The following PTPRB variants were observed in gnomAD, a reference collection of about 807,000 sequenced individuals.
PTPRB encodes the protein receptor-type tyrosine-protein phosphatase beta.
A neutral mutation model predicts 238.1 loss-of-function variants in PTPRB; 97 were observed. The observed-to-expected ratio is 0.41, with a 90% CI of 0.35 to 0.48. The LOEUF (loss-of-function observed/expected upper bound fraction) is 0.48. Ranked by LOEUF, PTPRB falls within the 20% of genes least tolerant of loss-of-function variation. The pLI is 0.30. For synonymous variants in PTPRB, 970 were observed against 995.4 expected (o/e 0.97, Z 0.48); for missense variants, 2,292 against 2,681.9 (o/e 0.85, Z 3.21).
At chr12:70,526,203 AATTT>A (rs1260922070) in intron 32 of PTPRB, among the ~76,000 whole-genome samples, 5 of 152,128 alleles carry the variant, frequency 3.3e-5, no homozygotes, top group South Asian at 2.1e-4. Flanking sequence ...TAATTTAATT[AATTT>A]ATTTATTTTT....
intron 9 of PTPRB, among the ~76,000 whole-genome samples, chr12:70,581,610 C>G (rs931834570): frequency 2.0e-5 from 3 of 151,908 alleles, no homozygotes; most frequent in African/African-American, 4.8e-5. Flanking sequence ...TTTTTGAAAA[C>G]TGCTTAGTTA....
Position 70,555,175 on chromosome 12 carries a change from C to T in PTPRB, c.5128G>A (p.Val1710Met). ...GATAACTTACCATCAGCCTCTCTCA[C>T]CACCACTGTGAAGTATTTCACAGCT... ...NGAVKYFTVV[V>M]READGSDELK... is the part of the protein sequence containing the mutation. Residue 1710 changes from valine to methionine, a missense_variant, in exon 20 of 34, where the codon GTG becomes ATG. Transcript: ENST00000334414. 6.2e-7 allele frequency: 1 copy of T among 1,613,698 alleles called. No homozygotes were observed. Among genetic ancestry groups the T allele is most frequent in the East Asian group, 2.2e-5 (1 of 44,866 alleles).
intron 2 of PTPRB, among the ~76,000 whole-genome samples, chr12:70,625,554 T>A (rs998914891): frequency 3.0e-4 from 46 of 151,710 alleles, no homozygotes; most frequent in Admixed American, 7.9e-4. Flanking sequence ...TGATTAAGTT[T>A]TTTTTTTTTT....
chr12:70,624,510 T>C (rs953049841), intron 2 of PTPRB, among the ~76,000 whole-genome samples: 5 of 152,186 alleles, frequency 3.3e-5, no homozygotes, highest in Admixed American at 2.0e-4. Context: ...AATTATACTA[T>C]TAGCGAGATT....
chr12:70,570,960 T>C, intron 13 of PTPRB, 66 bp downstream of exon 13: 1 of 1,553,418 alleles, frequency 6.4e-7, no homozygotes, highest in Non-Finnish European at 8.8e-7. Context: ...TCGAAATACC[T>C]GAACTACCCG....
chr12:70,566,477 C>T lies in PTPRB; in HGVS notation c.3862G>A (p.Gly1288Arg), dbSNP rs1879315013. Residue 1288 changes from glycine to arginine, a missense_variant, in exon 15 of 34, where the codon GGA becomes AGA. Coordinates refer to ENST00000334414, the MANE Select transcript of PTPRB (RefSeq NM_001109754.4). ...KYKIQILTVS[G>R]GLFSKEAQTE... is the part of the protein sequence containing the mutation. ...TGGGCTTCCTTGCTAAAGAGGCCTC[C>T]ACTGACAGTTAGGATCTGTATCTTG... 8 of 1,613,982 alleles carry T rather than the reference C, an allele frequency of 5.0e-6. No homozygotes were observed. Among genetic ancestry groups the T allele is most frequent in the South Asian group, 1.1e-5 (1 of 91,076 alleles).
intron 20 of PTPRB, 72 bp from the exon 21 acceptor site, chr12:70,553,092 G>T (rs551070225): frequency 2.0e-6 from 3 of 1,509,656 alleles, no homozygotes; most frequent in African/African-American, 2.8e-5. Context: ...TTTAAATTAG[G>T]TTTCTAAGGC....
At chr12:70,530,273 T>G (rs1172795961) in intron 32 of PTPRB, among the ~76,000 whole-genome samples, 1 of 152,084 alleles carries the variant, frequency 6.6e-6, no homozygotes, top group East Asian at 1.9e-4. Context: ...AAGAAAGACA[T>G]AGATGTGATA....
chr12:70,568,897 A>G (rs1879666235), intron 14 of PTPRB, among the ~76,000 whole-genome samples: 1 of 152,182 alleles, frequency 6.6e-6, no homozygotes, highest in Non-Finnish European at 1.5e-5. Flanking sequence ...CTGTAAGAGA[A>G]CTATAGTATG....
chr12:70,532,247 C>G, intron 31 of PTPRB, 77 bp from the exon 32 acceptor site: 1 of 1,446,892 alleles, frequency 6.9e-7, no homozygotes, highest in African/African-American at 1.5e-5. Flanking sequence ...GACTCTGGCA[C>G]AATCTTTTTT....
intron 5 of PTPRB, among the ~76,000 whole-genome samples, 190 bp from the exon 6 acceptor site, chr12:70,594,914 G>A (rs1359969274): frequency 6.6e-6 from 1 of 152,190 alleles, no homozygotes; most frequent in African/African-American, 2.4e-5. Flanking sequence ...AAAGTCTGCA[G>A]CCTCAAGTTA....
chr12:70,554,289 T>C (rs1410923142), intron 20 of PTPRB, among the ~76,000 whole-genome samples: 1 of 152,196 alleles, frequency 6.6e-6, no homozygotes, highest in Non-Finnish European at 1.5e-5. Context: ...GTCAAAATTA[T>C]TAGGGATGCT....
At chr12:70,610,663 CCAAT>C (rs986643128) in intron 3 of PTPRB, among the ~76,000 whole-genome samples, 31 of 152,090 alleles carry the variant, frequency 2.0e-4, no homozygotes, top group African/African-American at 7.0e-4. Context: ...TTCTTTTCTC[CCAAT>C]CACTTTCCCT....
At chr12:70,545,979 A>C (rs1443123617) in intron 21 of PTPRB, among the ~76,000 whole-genome samples, 1 of 152,160 alleles carries the variant, frequency 6.6e-6, no homozygotes, top group African/African-American at 2.4e-5. Context: ...TCTACTAAAA[A>C]TACAAAAATT....
intron 22 of PTPRB, among the ~76,000 whole-genome samples, chr12:70,543,856 T>C (rs1875545809): frequency 6.6e-6 from 1 of 152,218 alleles, no homozygotes; most frequent in Admixed American, 6.5e-5. Flanking sequence ...TGGTGCCTCA[T>C]GTCCTCATCT....
chr12:70,626,586 T>C (rs1234230828), intron 2 of PTPRB, among the ~76,000 whole-genome samples: 1 of 152,136 alleles, frequency 6.6e-6, no homozygotes, highest in Non-Finnish European at 1.5e-5. Context: ...AACAACTATT[T>C]ATATTTACAT....
intron 21 of PTPRB, among the ~76,000 whole-genome samples, chr12:70,551,598 C>T (rs1407476731): frequency 1.3e-5 from 2 of 151,864 alleles, no homozygotes; most frequent in African/African-American, 4.8e-5. Context: ...TATGTGAGAA[C>T]CAATAAGACC....
chr12:70,627,268 G>C (rs1885247740), intron 2 of PTPRB, among the ~76,000 whole-genome samples: 1 of 152,096 alleles, frequency 6.6e-6, no homozygotes, highest in Non-Finnish European at 1.5e-5. Flanking sequence ...ATAGGAGAGA[G>C]GTGTTGAACC....
Position 70,616,592 on chromosome 12 carries a change from T to C in PTPRB, c.708+5798A>G, listed in dbSNP as rs373247712. Among the ~76,000 whole-genome samples the C allele has an allele frequency of 1.2e-4, 18 of 152,326 alleles. No individual in the cohort carries two copies. The East Asian group carries it at 2.9e-3, about 25-fold the overall frequency. ...AGGTGGAATCTTAGAATATGTATCT[T>C]TCAAAAGCTTCCCAGGTGATTCCGA... On this transcript the variant is annotated intron_variant, in intron 3 of 33. Coordinates refer to ENST00000334414, the MANE Select transcript of PTPRB (RefSeq NM_001109754.4).
Sources: gnomAD v4.1 joint callset for allele counts (sites outside exome capture counted in the v4.1 genomes callset) on GRCh38, gnomAD v4.1.1 for gene constraint, MANE v1.5 for transcripts, NCBI Gene and HGNC (gene_info 2026-07-23, HGNC 2026-07-21) for gene names.